The following NRG1 variants were observed in gnomAD, a reference collection of about 807,000 sequenced individuals.
The protein encoded by NRG1 is pro-neuregulin-1, membrane-bound isoform.
In NRG1, 18 loss-of-function variants were observed where a neutral mutation model predicts 63.8. The ratio of observed to expected loss-of-function variants is 0.28; its 90% CI spans 0.19 to 0.42. The LOEUF is 0.42. NRG1 is among the 10% of genes least tolerant of loss of function. NRG1 has a pLI of 1.00. For missense variants in NRG1, 762 were observed against 814.7 expected (o/e 0.94, Z 0.79); for synonymous variants, 302 against 301.3 (o/e 1.00, Z -0.02).
At chr8:32,599,528 G>A (rs772293619) in intron 2 of NRG1, among the ~76,000 whole-genome samples, 5 of 152,052 alleles carry the variant, frequency 3.3e-5, no homozygotes, top group Admixed American at 6.6e-5. Context: ...ACATTCCTAC[G>A]TGTTCTTTGT....
intron 1 of NRG1, among the ~76,000 whole-genome samples, chr8:32,490,028 G>A (rs1172296101): frequency 6.6e-6 from 1 of 152,226 alleles, no homozygotes; most frequent in Non-Finnish European, 1.5e-5. Flanking sequence ...AATTCTTGCA[G>A]CTGGATGTGG....
chr8:31,786,773 G>C (rs1820213668), intron 1 of NRG1, among the ~76,000 whole-genome samples: 1 of 152,148 alleles, frequency 6.6e-6, no homozygotes, highest in Non-Finnish European at 1.5e-5. Flanking sequence ...GGTGGTGGGG[G>C]ACAGAGCTTC....
At chr8:32,483,529 A>G (rs17717485) in intron 1 of NRG1, among the ~76,000 whole-genome samples, 19,482 of 152,262 alleles carry the variant, frequency 0.13, 1,515 homozygotes, top group Admixed American at 0.25. Context: ...TGTGCTCAAC[A>G]TATGCCACAG....
intron 1 of NRG1, among the ~76,000 whole-genome samples, chr8:31,720,388 T>C (rs2131302829): frequency 6.6e-6 from 1 of 152,288 alleles, no homozygotes; most frequent in South Asian, 2.1e-4. Context: ...TACGTAAACA[T>C]GTGTCACGGT....
At chr8:32,275,058 C>T (rs976515997) in intron 1 of NRG1, among the ~76,000 whole-genome samples, 4 of 152,076 alleles carry the variant, frequency 2.6e-5, no homozygotes, top group Admixed American at 1.3e-4. Flanking sequence ...CAGATGCTTG[C>T]ATTTGGCCAC....
chr8:32,216,016 G>A (rs1200073603), intron 1 of NRG1, among the ~76,000 whole-genome samples: 2 of 151,662 alleles, frequency 1.3e-5, no homozygotes, highest in Non-Finnish European at 2.9e-5. Flanking sequence ...ACTCCAGCCT[G>A]GGAGACAGAG....
intron 1 of NRG1, among the ~76,000 whole-genome samples, chr8:32,140,202 T>C (rs1160075747): frequency 6.6e-6 from 1 of 152,148 alleles, no homozygotes; most frequent in Non-Finnish European, 1.5e-5. Context: ...TGCATTTCTG[T>C]CAGCCATACT....
chr8:31,784,031 C>G (rs187574099), intron 1 of NRG1, among the ~76,000 whole-genome samples: 1 of 152,212 alleles, frequency 6.6e-6, no homozygotes, highest in African/African-American at 2.4e-5. Context: ...TTATATTGCT[C>G]AAGGTGACAA....
At chr8:32,629,907 T>TTAA (rs745434748) in intron 5 of NRG1, among the ~76,000 whole-genome samples, 3 of 152,064 alleles carry the variant, frequency 2.0e-5, no homozygotes, top group East Asian at 3.9e-4. Flanking sequence ...TTTATTATCT[T>TTAA]TAATAATAAT....
intron 1 of NRG1, among the ~76,000 whole-genome samples, chr8:31,967,064 C>T (rs1287722174): frequency 6.6e-6 from 1 of 152,068 alleles, no homozygotes; most frequent in African/African-American, 2.4e-5. Context: ...TGATTATGTG[C>T]TACCTGATGA....
intron 1 of NRG1, among the ~76,000 whole-genome samples, chr8:32,129,475 A>G (rs1023273970): frequency 3.9e-5 from 6 of 151,916 alleles, no homozygotes; most frequent in African/African-American, 9.7e-5. Context: ...CTCTTTGCAC[A>G]TGGCATTTTC....
chr8:32,076,904 C>T (rs1444515833), intron 1 of NRG1, among the ~76,000 whole-genome samples: 3 of 152,106 alleles, frequency 2.0e-5, no homozygotes, highest in Admixed American at 2.0e-4. Context: ...GTAAAATTCA[C>T]AGAATGTTAG....
chr8:32,171,842 G>A (rs559776604), intron 1 of NRG1, among the ~76,000 whole-genome samples: 10 of 152,228 alleles, frequency 6.6e-5, no homozygotes, highest in Non-Finnish European at 1.2e-4. Flanking sequence ...TAAACAAAGC[G>A]GCCAGGAAGC....
chr8:32,263,319 A>G (rs984086551), intron 1 of NRG1, among the ~76,000 whole-genome samples: 2 of 152,178 alleles, frequency 1.3e-5, no homozygotes, highest in Non-Finnish European at 2.9e-5. Context: ...GGAGGCCCCA[A>G]AGCATGTGTA....
intron 1 of NRG1, among the ~76,000 whole-genome samples, chr8:32,077,122 T>G (rs1181299908): frequency 1.3e-5 from 2 of 152,214 alleles, no homozygotes; most frequent in African/African-American, 4.8e-5. Flanking sequence ...ATCCCAGCAC[T>G]TTGGGAGGCT....
At chr8:32,068,508 C>A (rs931672833) in intron 1 of NRG1, among the ~76,000 whole-genome samples, 1 of 152,070 alleles carries the variant, frequency 6.6e-6, no homozygotes, top group South Asian at 2.1e-4. Context: ...ACAAGCTAGT[C>A]TTAATTAGGA....
intron 1 of NRG1, among the ~76,000 whole-genome samples, chr8:32,414,555 T>A: frequency 6.6e-6 from 1 of 152,194 alleles, no homozygotes; most frequent in East Asian, 1.9e-4. Context: ...ATATGCATCA[T>A]CTCTGATAGA....
chr8:32,088,367 T>C (rs1430740558), intron 1 of NRG1, among the ~76,000 whole-genome samples: 1 of 152,192 alleles, frequency 6.6e-6, no homozygotes, highest in Admixed American at 6.5e-5. Flanking sequence ...GTGGATTATA[T>C]GGGTAAACAT....
chr8:32,036,360 C>T (rs7014603), intron 1 of NRG1, among the ~76,000 whole-genome samples: 20,266 of 151,970 alleles, frequency 0.13, 4,515 homozygotes, highest in African/African-American at 0.46. Flanking sequence ...CTACCTTTGA[C>T]GTATTTTTCT....
Sources: gnomAD v4.1 joint callset for allele counts (sites outside exome capture counted in the v4.1 genomes callset) on GRCh38, gnomAD v4.1.1 for gene constraint, MANE v1.5 for transcripts, NCBI Gene and HGNC (gene_info 2026-07-23, HGNC 2026-07-21) for gene names.